The following KCNQ5 variants were observed in gnomAD, a reference collection of about 807,000 sequenced individuals.
KCNQ5 encodes potassium voltage-gated channel subfamily KQT member 5.
Under a neutral mutation model 98.2 loss-of-function variants are expected in KCNQ5, and 30 were observed. The ratio of observed to expected loss-of-function variants is 0.31; its 90% confidence interval spans 0.23 to 0.41. The LOEUF (loss-of-function observed/expected upper bound fraction) is 0.41. Among genes scored for constraint, KCNQ5 ranks in the 10% least tolerant of loss-of-function variants. The pLI, the probability that KCNQ5 is intolerant of heterozygous loss-of-function variation, is 1.00. For missense variants in KCNQ5, 835 were observed against 1,182.5 expected, an observed-to-expected ratio of 0.71 and a Z score of 4.31; for synonymous variants, 458 against 449.4, an observed-to-expected ratio of 1.02 and a Z score of -0.24.
At chr6:72,725,449 A>G (rs958880846) in intron 1 of KCNQ5, among the ~76,000 whole-genome samples, 23 of 152,180 alleles carry the variant, frequency 1.5e-4, no homozygotes, top group African/African-American at 4.6e-4. Context: ...GAGAATTTCT[A>G]TAAGAATTAT....
intron 2 of KCNQ5, among the ~76,000 whole-genome samples, chr6:73,038,625 ATT>A (rs368290079): frequency 1.3e-5 from 2 of 150,946 alleles, no homozygotes; most frequent in African/African-American, 4.9e-5. Context: ...AATTTATATG[ATT>A]TTTTTTTAGC....
At chr6:72,702,523 C>T (rs1008200657) in intron 1 of KCNQ5, among the ~76,000 whole-genome samples, 19 of 152,032 alleles carry the variant, frequency 1.2e-4, no homozygotes, top group Admixed American at 1.0e-3. Context: ...TAGCTATGAT[C>T]GAAGTAGAGA....
chr6:72,756,549 G>C (rs190827587), intron 1 of KCNQ5, among the ~76,000 whole-genome samples: 133 of 152,144 alleles, frequency 8.7e-4, no homozygotes, highest in African/African-American at 3.0e-3. Context: ...TAGAGTTTTT[G>C]TTTTTAGACA....
chr6:73,137,733 TA>T, intron 10 of KCNQ5, among the ~76,000 whole-genome samples: 1 of 152,308 alleles, frequency 6.6e-6, no homozygotes, highest in East Asian at 1.9e-4. Context: ...TGAATCTAAG[TA>T]ACTTGCCCAA....
intron 1 of KCNQ5, among the ~76,000 whole-genome samples, chr6:72,765,191 C>T (rs889765273): frequency 1.3e-5 from 2 of 151,888 alleles, no homozygotes; most frequent in African/African-American, 4.8e-5. Context: ...TTTGAGAATC[C>T]TTCGAATTGT....
intron 1 of KCNQ5, among the ~76,000 whole-genome samples, chr6:72,640,243 G>A (rs1010138363): frequency 2.0e-5 from 3 of 151,768 alleles, no homozygotes; most frequent in African/African-American, 7.3e-5. Context: ...CCTTGACCTT[G>A]GGCAAATCGT....
chr6:72,811,447 A>G (rs976327709), intron 1 of KCNQ5, among the ~76,000 whole-genome samples: 2 of 152,154 alleles, frequency 1.3e-5, no homozygotes, highest in Non-Finnish European at 2.9e-5. Context: ...ATCATAATTT[A>G]TTATAATTAT....
At chr6:72,723,940 G>T (rs1178035640) in intron 1 of KCNQ5, among the ~76,000 whole-genome samples, 1 of 152,082 alleles carries the variant, frequency 6.6e-6, no homozygotes, top group East Asian at 1.9e-4. Flanking sequence ...TAAAAGTAAG[G>T]TCTGTTACAT....
chr6:73,040,147 A>G (rs1771624715), intron 2 of KCNQ5, among the ~76,000 whole-genome samples: 1 of 152,152 alleles, frequency 6.6e-6, no homozygotes, highest in African/African-American at 2.4e-5. Context: ...CATACCTAAG[A>G]ACAATGGGCA....
chr6:72,955,179 A>C (rs950845186), intron 1 of KCNQ5, among the ~76,000 whole-genome samples: 1 of 152,204 alleles, frequency 6.6e-6, no homozygotes, highest in Non-Finnish European at 1.5e-5. Context: ...TTATTTTAGC[A>C]GTTAGCATAA....
In KCNQ5 at chr6:73,077,794, G is replaced by A. The variant is rs187787432; in HGVS notation, c.825G>A (p.Leu275=). Reference sequence around the variant, plus strand: ...TCACAGCTTGGTACATAGGATTTTTGGTTCTTATTTTTTCGTCTTTCCTTG... The same window carrying A: ...TCACAGCTTGGTACATAGGATTTTTAGTTCTTATTTTTTCGTCTTTCCTTG... The part of the protein sequence containing the change: ...ELITAWYIGF[L]VLIFSSFLVY... Residue 275 remains leucine, a synonymous_variant, in exon 5 of 14, where the codon TTG becomes TTA. Coordinates refer to ENST00000370398, the MANE Select transcript of KCNQ5 (RefSeq NM_019842.4). 6.2e-7 allele frequency: 1 copy of A among 1,611,326 alleles called. No homozygotes were observed. Among genetic ancestry groups the A allele is most frequent in the Non-Finnish European group, 8.5e-7 (1 of 1,178,056 alleles).
At chr6:73,080,819 G>A (rs749587340) in intron 5 of KCNQ5, among the ~76,000 whole-genome samples, 5 of 152,154 alleles carry the variant, frequency 3.3e-5, no homozygotes, top group African/African-American at 7.2e-5. Flanking sequence ...CGCTGTGCCA[G>A]TGAATTTTCA....
intron 2 of KCNQ5, among the ~76,000 whole-genome samples, chr6:73,033,383 T>G (rs1429216980): frequency 2.0e-5 from 3 of 152,192 alleles, no homozygotes; most frequent in Non-Finnish European, 4.4e-5. Flanking sequence ...AAATGAACAT[T>G]GTTATTTAGG....
intron 5 of KCNQ5, among the ~76,000 whole-genome samples, chr6:73,102,765 T>C (rs772094431): frequency 3.9e-5 from 6 of 152,048 alleles, no homozygotes; most frequent in African/African-American, 1.4e-4. Context: ...TAACAAATGC[T>C]GGCAAGGATT....
intron 10 of KCNQ5, among the ~76,000 whole-genome samples, chr6:73,157,236 G>A (rs938839123): frequency 3.9e-5 from 6 of 152,258 alleles, no homozygotes; most frequent in African/African-American, 7.2e-5. Flanking sequence ...CAGGGTCCAA[G>A]TGATCCTCCG....
intron 11 of KCNQ5, among the ~76,000 whole-genome samples, chr6:73,189,942 G>A (rs1765523037): frequency 6.6e-6 from 1 of 151,530 alleles, no homozygotes; most frequent in Non-Finnish European, 1.5e-5. Context: ...TGAGGCAGGA[G>A]GATTGCTTGA....
chr6:72,996,579 G>A (rs983790446), intron 1 of KCNQ5, among the ~76,000 whole-genome samples: 2 of 152,240 alleles, frequency 1.3e-5, no homozygotes, highest in Admixed American at 1.3e-4. Flanking sequence ...GCCCTGTGGT[G>A]TGGTAGGAAA....
chr6:72,669,910 CTTTTTTT>C (rs541665177), intron 1 of KCNQ5, among the ~76,000 whole-genome samples: 3 of 134,998 alleles, frequency 2.2e-5, no homozygotes, highest in Non-Finnish European at 3.2e-5. Context: ...ACTTTCTTTC[CTTTTTTT>C]TTTTTTTTTG....
At chr6:72,905,484 G>C (rs1382172007) in intron 1 of KCNQ5, among the ~76,000 whole-genome samples, 1 of 152,142 alleles carries the variant, frequency 6.6e-6, no homozygotes, top group African/African-American at 2.4e-5. Context: ...TGGTTTTCTG[G>C]TTCCTTCTCA....
Sources: allele counts gnomAD v4.1 joint callset (sites outside exome capture counted in the v4.1 genomes callset), GRCh38; gene constraint gnomAD v4.1.1; transcripts MANE v1.5; gene names NCBI Gene and HGNC (gene_info 2026-07-23, HGNC 2026-07-21).